Variants in EXTL2 observed in about 807,000 individuals in gnomAD.
EXTL2 encodes exostosin-like 2.
In EXTL2, 23 loss-of-function variants were observed where a neutral mutation model predicts 30.7. That is an observed-to-expected ratio of 0.75 (90% CI 0.54 to 1.06). EXTL2 has a LOEUF of 1.06. Among genes scored for constraint, EXTL2 ranks in the 50% least tolerant of loss-of-function variants. The pLI is 0.00. For synonymous variants in EXTL2, 123 were observed against 133.8 expected (o/e 0.92, Z 0.56); for missense variants, 352 against 396.3 (o/e 0.89, Z 0.95).
Position 100,877,675 on chromosome 1 carries a change from G to A in EXTL2, c.234C>T (p.Leu78=). Reference sequence around the variant, plus strand: ...GATAATGATTTAAAAGTTTCAATAAGAGATCTGTTCTGTTGTACGTCTGCA... The same window carrying A: ...GATAATGATTTAAAAGTTTCAATAAAAGATCTGTTCTGTTGTACGTCTGCA... ...LIMQTYNRTD[L]LLKLLNHYQA... is the part of the protein sequence containing the mutation. Residue 78 remains leucine, a synonymous_variant, in exon 3 of 5, where the codon CTC becomes CTT. Coordinates refer to ENST00000370114, the MANE Select transcript of EXTL2 (RefSeq NM_001033025.3). This position sits in a 1 kb window ranked among gnomAD's most constrained non-coding sequence, Gnocchi z 4.1. 7 of 1,613,592 alleles carry A rather than the reference G, an allele frequency of 4.3e-6. No individual in the cohort carries two copies. The highest frequency in any genetic ancestry group is 1.3e-5 in the African/African-American group (1 of 75,000).
intron 1 of EXTL2, 28 bp from the exon 2 acceptor site, chr1:100,888,856 G>C: frequency 1.2e-6 from 1 of 843,840 alleles, no homozygotes; most frequent in South Asian, 2.7e-5. Flanking sequence ...AGAATTTTCT[G>C]TGATGTTTCT....
chr1:100,888,515 G>GA, intron 2 of EXTL2: 1 of 343,858 alleles, frequency 2.9e-6, no homozygotes, highest in Non-Finnish European at 5.3e-6. Context: ...CAAATTTATA[G>GA]AAACAGAAAG....
intron 1 of EXTL2, among the ~76,000 whole-genome samples, chr1:100,893,913 G>A (rs1650631336): frequency 6.6e-6 from 1 of 152,118 alleles, no homozygotes; most frequent in African/African-American, 2.4e-5. Flanking sequence ...GGAGTCTCTG[G>A]AAACTGATGT....
chr1:100,876,983 T>C, intron 3 of EXTL2, 119 bp from the exon 4 acceptor site: 1 of 642,168 alleles, frequency 1.6e-6, no homozygotes, highest in African/African-American at 1.8e-5. Flanking sequence ...CAACAATAAA[T>C]AAGCAATGTA....
At position 100,877,582 on chromosome 1, in the gene EXTL2, T is replaced by G. The variant is rs1649225056; in HGVS notation, c.327A>C (p.Glu109Asp). The stretch of plus-strand genomic sequence containing the variant: ...GGTGGGGCCCTAGAGAATTCCATAA[T>G]TCATCTGGTGCCTTCTCTCCAATAT... ...WNNIGEKAPD[E>D]LWNSLGPHPI... Residue 109 changes from glutamate (E) to aspartate (D), a missense_variant, in exon 3 of 5, where the codon GAA (glutamate) becomes GAC (aspartate). Glu to Asp is a conservative substitution (Grantham distance 45). Transcript: ENST00000370114. This position sits in a 1 kb window ranked among gnomAD's most constrained non-coding sequence, Gnocchi z 4.1. 6.2e-7 allele frequency: 1 copy of G among 1,613,308 alleles called. No homozygotes were observed. The highest frequency in any genetic ancestry group is 1.1e-5 in the South Asian group (1 of 91,068).
intron 2 of EXTL2, among the ~76,000 whole-genome samples, chr1:100,880,071 G>A (rs1020836024): frequency 3.9e-5 from 6 of 152,130 alleles, no homozygotes; most frequent in Middle Eastern, 3.2e-3. Context: ...CTTGTTTCAT[G>A]TTGTGGTGTG....
At chr1:100,876,646 C>T in intron 4 of EXTL2, 148 bp downstream of exon 4, 1 of 493,402 alleles carries the variant, frequency 2.0e-6, no homozygotes, top group Middle Eastern at 4.0e-4. Context: ...CTCAGAAAAT[C>T]TTGATTAGCC....
chr1:100,887,813 C>T (rs990746731), intron 2 of EXTL2, among the ~76,000 whole-genome samples: 4 of 152,186 alleles, frequency 2.6e-5, no homozygotes, highest in Non-Finnish European at 5.9e-5. Context: ...ATTCTCCTGC[C>T]TCAGCCTCCC....
chr1:100,890,959 A>G (rs1283943966), intron 1 of EXTL2, among the ~76,000 whole-genome samples: 1 of 152,240 alleles, frequency 6.6e-6, no homozygotes, highest in African/African-American at 2.4e-5. Context: ...TGACCTGCTG[A>G]GGTGCTTGCT....
chr1:100,880,999 T>G, intron 2 of EXTL2: 1 of 983,520 alleles, frequency 1.0e-6, no homozygotes, highest in African/African-American at 1.7e-5. Flanking sequence ...GTTTATCCCC[T>G]GTATCCATCA....
intron 1 of EXTL2, among the ~76,000 whole-genome samples, chr1:100,892,699 CTAATGTTACACATTT>C (rs1650525407): frequency 6.6e-6 from 1 of 152,234 alleles, no homozygotes; most frequent in African/African-American, 2.4e-5. Flanking sequence ...TCCCAACTAT[CTAATGTTACACATTT>C]GAAACCAGAG....
intron 2 of EXTL2, among the ~76,000 whole-genome samples, chr1:100,883,790 T>A (rs911336562): frequency 2.6e-5 from 4 of 152,200 alleles, no homozygotes; most frequent in African/African-American, 9.7e-5. Flanking sequence ...GGTCATTATG[T>A]CAGTAATATT....
chr1:100,885,415 C>T (rs760892747), intron 2 of EXTL2, among the ~76,000 whole-genome samples: 20 of 152,184 alleles, frequency 1.3e-4, no homozygotes, highest in East Asian at 9.6e-4. Context: ...TAATCCGGCA[C>T]GCAGCATACA....
At chr1:100,884,283 T>G (rs77228043) in intron 2 of EXTL2, among the ~76,000 whole-genome samples, 1 of 152,222 alleles carries the variant, frequency 6.6e-6, no homozygotes, top group Non-Finnish European at 1.5e-5. Flanking sequence ...ACTGTCCAGA[T>G]TGTTTCTCCT....
chr1:100,885,608 C>A (rs1649901624), intron 2 of EXTL2: 1 of 152,200 alleles, frequency 6.6e-6, no homozygotes, highest in Non-Finnish European at 1.5e-5. Flanking sequence ...TTATAAGCAG[C>A]ATAAACTAGA....
intron 1 of EXTL2, among the ~76,000 whole-genome samples, chr1:100,889,308 G>A (rs1650226027): frequency 6.6e-6 from 1 of 152,166 alleles, no homozygotes; most frequent in Admixed American, 6.5e-5. Context: ...AACAGCATGG[G>A]AGAAACTGTC....
At chr1:100,878,166 A>C (rs1649277763) in intron 2 of EXTL2, among the ~76,000 whole-genome samples, 1 of 152,084 alleles carries the variant, frequency 6.6e-6, no homozygotes, top group Admixed American at 6.6e-5. Context: ...GCATTTAAAA[A>C]TTTGCCATCA....
At position 100,872,836 on chromosome 1, in the gene EXTL2, T is replaced by C. The variant is rs1365705538; in HGVS notation, c.*1106A>G. On this transcript the variant is annotated 3_prime_UTR_variant, in exon 5 of 5. Coordinates refer to ENST00000370114, the MANE Select transcript of EXTL2 (RefSeq NM_001033025.3). The stretch of plus-strand genomic sequence containing the variant: ...AGACGCTAATTCACATAACAGAGAG[T>C]AGGCAACCTTAAGAATGAATTGATG... 2 of 151,864 alleles carry C rather than the reference T, an allele frequency of 1.3e-5. No individual in the cohort carries two copies. The highest frequency in any genetic ancestry group is 2.1e-4 in the South Asian group (1 of 4,814). 9.4% of individuals were successfully genotyped at this position (151,864 alleles called of 1,614,324 possible).
chr1:100,875,739 A>G (rs969824526), intron 4 of EXTL2, among the ~76,000 whole-genome samples: 3 of 152,094 alleles, frequency 2.0e-5, no homozygotes, highest in Non-Finnish European at 2.9e-5. Context: ...TCATATTTAT[A>G]TATCTTTAAT....
Sources: gnomAD v4.1 joint callset for allele counts (sites outside exome capture counted in the v4.1 genomes callset) on GRCh38, gnomAD v4.1.1 for gene constraint, Gnocchi (gnomAD v3.1) non-coding constraint, MANE v1.5 for transcripts, NCBI Gene and HGNC (gene_info 2026-07-23, HGNC 2026-07-21) for gene names.